TMCC2: variants seen among roughly 807,000 people sequenced by gnomAD.
TMCC2 encodes transmembrane and coiled-coil domains protein 2.
TMCC2 carries 16 observed loss-of-function variants against 49.4 expected under a neutral mutation model. The ratio of observed to expected loss-of-function variants is 0.32; its 90% confidence interval spans 0.22 to 0.49. The LOEUF (loss-of-function observed/expected upper bound fraction) is 0.49, where lower values mean the gene tolerates loss of function less well. Ranked by LOEUF, TMCC2 falls within the 20% of genes least tolerant of loss-of-function variation. The pLI is 0.99. For synonymous variants in TMCC2, 397 were observed against 434.1 expected (o/e 0.91, Z 1.06); for missense variants, 762 against 989.8 (o/e 0.77, Z 3.09).
intron 2 of TMCC2, among the ~76,000 whole-genome samples, chr1:205,261,064 G>A (rs1458947412): frequency 2.0e-5 from 3 of 152,110 alleles, no homozygotes; most frequent in Admixed American, 6.6e-5. Context: ...GAATTGCTGG[G>A]TCATAAAGTA....
chr1:205,250,448 G>A (rs1313107220), intron 2 of TMCC2, among the ~76,000 whole-genome samples: 2 of 152,172 alleles, frequency 1.3e-5, no homozygotes, highest in African/African-American at 4.8e-5. Flanking sequence ...GGCTGAGACA[G>A]GAGAATCGCT....
chr1:205,242,092 T>A, intron 2 of TMCC2, 48 bp downstream of exon 2: 3 of 1,517,942 alleles, frequency 2.0e-6, no homozygotes, highest in Non-Finnish European at 1.8e-6. Context: ...GCAAGGGCCA[T>A]CCGCTGAGGG....
chr1:205,261,174 C>G (rs150374305), intron 2 of TMCC2, among the ~76,000 whole-genome samples: 37 of 150,018 alleles, frequency 2.5e-4, no homozygotes, highest in African/African-American at 8.3e-4. Context: ...AATTCCTGCA[C>G]ATGCTCACCA....
At position 205,269,856 on chromosome 1, in the gene TMCC2, A is replaced by T; in HGVS notation, c.1654A>T (p.Thr552Ser). Residue 552 changes from threonine (T) to serine (S), a missense_variant, in exon 3 of 5, where the codon ACC (threonine) becomes TCC (serine). This residue lies in a region of TMCC2 where 440 missense variants were observed against 636.7 expected (regional missense o/e 0.69). Coordinates refer to ENST00000358024, the MANE Select transcript of TMCC2 (RefSeq NM_014858.4). ...GCTGCAGAGGGACTACACCTACATG[A>T]CCCAGTGCCTGCAGGAGGAGCGCTA... ...TQLQRDYTYMTQCLQEERYRY... is the reference protein window; with the variant it reads ...TQLQRDYTYMSQCLQEERYRY... The T allele has an allele frequency of 6.2e-7, 1 of 1,613,626 alleles. No individual in the cohort carries two copies.
intron 2 of TMCC2, chr1:205,256,505 C>A: frequency 7.7e-7 from 1 of 1,301,310 alleles, no homozygotes; most frequent in Non-Finnish European, 1.1e-6. Context: ...GCAGAAGTGG[C>A]CATTGGTGTC....
At chr1:205,242,846 G>T (rs1558646489) in intron 2 of TMCC2, among the ~76,000 whole-genome samples, 1 of 152,146 alleles carries the variant, frequency 6.6e-6, no homozygotes, top group Non-Finnish European at 1.5e-5. Flanking sequence ...AATTTAGCCA[G>T]GGAAGAACTG....
intron 3 of TMCC2, 135 bp from the exon 4 acceptor site, chr1:205,270,985 A>G: frequency 7.9e-7 from 1 of 1,263,142 alleles, no homozygotes; most frequent in Admixed American, 2.6e-5. Context: ...GTTGCTGTTA[A>G]AATTAGAACA....
intron 1 of TMCC2, among the ~76,000 whole-genome samples, chr1:205,234,506 C>T (rs1659953219): frequency 6.6e-6 from 1 of 152,118 alleles, no homozygotes; most frequent in Non-Finnish European, 1.5e-5. Flanking sequence ...TTTGGCCTCA[C>T]CTCCAGCTGA....
chr1:205,251,558 G>A (rs1284453520), intron 2 of TMCC2, among the ~76,000 whole-genome samples: 4 of 152,326 alleles, frequency 2.6e-5, no homozygotes, highest in Non-Finnish European at 5.9e-5. Context: ...ACTGTGACCA[G>A]GAGGCCTCCT....
chr1:205,257,141 A>G (rs1294052319), intron 2 of TMCC2: 16 of 1,231,616 alleles, frequency 1.3e-5, no homozygotes, highest in Non-Finnish European at 1.6e-5. Flanking sequence ...CGTGAGCCCC[A>G]GGGGAGGGGG....
intron 2 of TMCC2, among the ~76,000 whole-genome samples, chr1:205,244,533 G>A (rs779422423): frequency 6.6e-6 from 1 of 152,212 alleles, no homozygotes; most frequent in Non-Finnish European, 1.5e-5. Context: ...GGCAGAGCAA[G>A]GCTCTGAGCA....
At chr1:205,228,978 G>C in intron 1 of TMCC2, 1 of 1,389,558 alleles carries the variant, frequency 7.2e-7, no homozygotes. Flanking sequence ...CTCTGTGTTT[G>C]TTCCCCATTA....
At position 205,241,581 on chromosome 1, in the gene TMCC2, G is replaced by C. The variant is rs138497244; in HGVS notation, c.284G>C (p.Arg95Pro). The change falls in exon 2 of 5, where the codon CGG becomes CCG. Residue 95 changes from arginine (R) to proline (P), a missense_variant. Physicochemically the swap from Arg to Pro is moderately radical, Grantham distance 103. Coordinates refer to ENST00000358024, the MANE Select transcript of TMCC2 (RefSeq NM_014858.4). The surrounding 1 kb of genome is among the most constrained non-coding windows in gnomAD (Gnocchi z 7.3). ...CTGTTCCACAGCCGCCGTCGGTCTC[G>C]GGAAAGGGAGCACCAGACGTCTCAG... The part of the protein sequence containing the change: ...KHLFHSRRRS[R>P]EREHQTSQDS... The C allele has an allele frequency of 1.2e-6, 2 of 1,613,912 alleles. No individual in the cohort carries two copies. The highest frequency in any genetic ancestry group is 1.7e-5 in the Admixed American group (1 of 60,020).
intron 2 of TMCC2, among the ~76,000 whole-genome samples, chr1:205,253,398 CA>C (rs1364534336): frequency 1.3e-5 from 2 of 152,150 alleles, no homozygotes; most frequent in Non-Finnish European, 2.9e-5. Flanking sequence ...GGCTTCCTTC[CA>C]GTCCACCCTT....
intron 2 of TMCC2, among the ~76,000 whole-genome samples, chr1:205,245,256 G>T (rs1189427167): frequency 6.6e-6 from 1 of 152,198 alleles, no homozygotes; most frequent in African/African-American, 2.4e-5. Context: ...CGATTAATGA[G>T]GGCTCCGGGG....
At chr1:205,230,174 G>T in intron 1 of TMCC2, 1 of 985,516 alleles carries the variant, frequency 1.0e-6, no homozygotes. Context: ...GCGCAGGTGA[G>T]TGTGTGTGCT....
At chr1:205,245,896 C>T (rs1015215675) in intron 2 of TMCC2, among the ~76,000 whole-genome samples, 2 of 151,862 alleles carry the variant, frequency 1.3e-5, no homozygotes, top group African/African-American at 4.8e-5. Context: ...CTGCCTCAGC[C>T]TCCCGAGTAG....
chr1:205,259,193 C>CTT (rs11344770), intron 2 of TMCC2, among the ~76,000 whole-genome samples: 6 of 148,560 alleles, frequency 4.0e-5, no homozygotes, highest in Non-Finnish European at 3.0e-5. Flanking sequence ...TTTTCTTTGT[C>CTT]TTTTTTTTTT....
intron 1 of TMCC2, among the ~76,000 whole-genome samples, chr1:205,239,544 A>G (rs545019486): frequency 4.1e-4 from 63 of 152,308 alleles, no homozygotes; most frequent in Non-Finnish European, 7.6e-4. Context: ...CTTGAGAAGG[A>G]ATCATGGTAG....
Sources: allele counts gnomAD v4.1 joint callset (sites outside exome capture counted in the v4.1 genomes callset), GRCh38; gene constraint gnomAD v4.1.1; regional missense constraint gnomAD v4.1.1; non-coding constraint Gnocchi (gnomAD v3.1); transcripts MANE v1.5; gene names NCBI Gene and HGNC (gene_info 2026-07-23, HGNC 2026-07-21).